Variants in INPP4B observed in about 807,000 individuals in gnomAD.
INPP4B encodes inositol polyphosphate-4-phosphatase type II B, also known as inositol polyphosphate 4-phosphatase type II.
INPP4B carries 55 observed loss-of-function variants against 122.5 expected under a neutral mutation model. That is an observed-to-expected ratio of 0.45 (90% CI 0.36 to 0.56). INPP4B has a LOEUF of 0.56. Among genes scored for constraint, INPP4B ranks in the 20% least tolerant of loss-of-function variants. The pLI, the probability that INPP4B is intolerant of heterozygous loss-of-function variation, is 0.00. For synonymous variants in INPP4B, 403 were observed against 388.7 expected, an observed-to-expected ratio of 1.04 and a Z score of -0.43; for missense variants, 1,000 against 1,097.7, an observed-to-expected ratio of 0.91 and a Z score of 1.26.
At chr4:142,287,932 T>C (rs1199038543) in intron 9 of INPP4B, among the ~76,000 whole-genome samples, 1 of 152,208 alleles carries the variant, frequency 6.6e-6, no homozygotes, top group African/African-American at 2.4e-5. Context: ...GAGGGCTCTC[T>C]TCCTGGCTTG....
At chr4:142,369,900 C>T (rs1789168889) in intron 7 of INPP4B, among the ~76,000 whole-genome samples, 1 of 139,982 alleles carries the variant, frequency 7.1e-6, no homozygotes, top group Non-Finnish European at 1.5e-5. Context: ...CACTGCACTC[C>T]AGGCCTGAGG....
chr4:142,760,081 A>T (rs1334781559), intron 1 of INPP4B, among the ~76,000 whole-genome samples: 2 of 152,106 alleles, frequency 1.3e-5, no homozygotes, highest in Admixed American at 6.6e-5. Flanking sequence ...AGTTAATTAA[A>T]GCCAAACTCA....
chr4:142,213,306 G>C (rs1179849136), intron 12 of INPP4B, among the ~76,000 whole-genome samples: 1 of 152,100 alleles, frequency 6.6e-6, no homozygotes, highest in African/African-American at 2.4e-5. Flanking sequence ...CCGGAGGAAT[G>C]GTACCATCTC....
intron 2 of INPP4B, among the ~76,000 whole-genome samples, chr4:142,653,856 G>A (rs190288683): frequency 7.2e-5 from 11 of 152,148 alleles, no homozygotes; most frequent in Admixed American, 6.5e-4. Context: ...TTGACCCAGC[G>A]ATCGCATTCC....
intron 7 of INPP4B, among the ~76,000 whole-genome samples, chr4:142,329,656 T>A (rs1341829331): frequency 6.6e-6 from 1 of 152,084 alleles, no homozygotes; most frequent in Non-Finnish European, 1.5e-5. Context: ...GATATGCAGG[T>A]TTTTAGAGGA....
chr4:142,843,927 T>C (rs1240870704), intron 1 of INPP4B, among the ~76,000 whole-genome samples: 3 of 152,174 alleles, frequency 2.0e-5, no homozygotes, highest in Non-Finnish European at 4.4e-5. Flanking sequence ...TACTTTCAAT[T>C]TGCACAATTT....
At chr4:142,113,811 T>G (rs1228132694) in intron 21 of INPP4B, among the ~76,000 whole-genome samples, 1 of 151,996 alleles carries the variant, frequency 6.6e-6, no homozygotes, top group East Asian at 1.9e-4. Context: ...TTTACCAGCT[T>G]TATTAAGAAA....
At chr4:142,581,098 A>G (rs28605620) in intron 2 of INPP4B, among the ~76,000 whole-genome samples, 2,716 of 152,134 alleles carry the variant, frequency 0.018, 66 homozygotes, top group African/African-American at 0.061. Context: ...ATCTTTTGTC[A>G]TTATTTGGGG....
At chr4:142,622,841 C>T (rs28733118) in intron 2 of INPP4B, among the ~76,000 whole-genome samples, 16,451 of 151,884 alleles carry the variant, frequency 0.11, 927 homozygotes, top group South Asian at 0.15. Flanking sequence ...TTTGGAACAG[C>T]GTTATTGAGA....
chr4:142,269,850 AAAT>A (rs1261915890), intron 10 of INPP4B, among the ~76,000 whole-genome samples: 2 of 152,180 alleles, frequency 1.3e-5, no homozygotes, highest in African/African-American at 4.8e-5. Flanking sequence ...TGTTTATTAA[AAAT>A]AATTTTTTAA....
chr4:142,845,671 C>T (rs1784093636), intron 1 of INPP4B, among the ~76,000 whole-genome samples: 1 of 152,176 alleles, frequency 6.6e-6, no homozygotes, highest in Non-Finnish European at 1.5e-5. Context: ...GGACCACCAA[C>T]ATCAGTCACC....
At chr4:142,410,236 C>T (rs1242017412) in intron 5 of INPP4B, among the ~76,000 whole-genome samples, 4 of 152,292 alleles carry the variant, frequency 2.6e-5, no homozygotes, top group African/African-American at 7.2e-5. Flanking sequence ...ATACATTAGA[C>T]AAGGGGGGTG....
At chr4:142,475,986 T>C (rs939458668) in intron 2 of INPP4B, among the ~76,000 whole-genome samples, 1 of 152,130 alleles carries the variant, frequency 6.6e-6, no homozygotes, top group Non-Finnish European at 1.5e-5. Context: ...ATCCAGGAAA[T>C]GTAGAGAATC....
chr4:142,318,076 T>C (rs1322628820), intron 7 of INPP4B, among the ~76,000 whole-genome samples: 1 of 152,168 alleles, frequency 6.6e-6, no homozygotes, highest in Non-Finnish European at 1.5e-5. Context: ...ATTGAACCTC[T>C]TCATGCCAGT....
chr4:142,563,887 C>A (rs1479923029), intron 2 of INPP4B, among the ~76,000 whole-genome samples: 1 of 152,128 alleles, frequency 6.6e-6, no homozygotes, highest in African/African-American at 2.4e-5. Flanking sequence ...AGCTAATCCC[C>A]CGAAGCAGAG....
chr4:142,812,203 T>C (rs1416374295), intron 1 of INPP4B, among the ~76,000 whole-genome samples: 2 of 152,168 alleles, frequency 1.3e-5, no homozygotes, highest in African/African-American at 4.8e-5. Flanking sequence ...CAGGAAATGA[T>C]ATATATCTAC....
intron 14 of INPP4B, among the ~76,000 whole-genome samples, chr4:142,198,357 C>G (rs1459957381): frequency 6.6e-6 from 1 of 151,944 alleles, no homozygotes; most frequent in Non-Finnish European, 1.5e-5. Context: ...ACAGCAGCAA[C>G]TAGGTACATA....
intron 21 of INPP4B, among the ~76,000 whole-genome samples, chr4:142,117,657 G>A (rs6827870): frequency 0.13 from 19,055 of 151,962 alleles, 1,347 homozygotes; most frequent in East Asian, 0.23. Flanking sequence ...TCGATGGGAC[G>A]TATCTCAAAA....
chr4:142,209,114 G>T (rs1458636312), intron 12 of INPP4B, 88 bp from the exon 13 acceptor site: 2 of 913,112 alleles, frequency 2.2e-6, no homozygotes, highest in South Asian at 3.3e-5. Flanking sequence ...AAGATAATAA[G>T]AAATTATTTC....
Sources: allele counts gnomAD v4.1 joint callset (sites outside exome capture counted in the v4.1 genomes callset), GRCh38; gene constraint gnomAD v4.1.1; transcripts MANE v1.5; gene names NCBI Gene and HGNC (gene_info 2026-07-23, HGNC 2026-07-21).